GRAMD4: variants seen among roughly 807,000 people sequenced by gnomAD.
The protein encoded by GRAMD4 is GRAM domain containing 4.
In GRAMD4, 25 loss-of-function variants were observed where a neutral mutation model predicts 83.9. The ratio of observed to expected loss-of-function variants is 0.30; its 90% confidence interval spans 0.22 to 0.42. The LOEUF is 0.42. GRAMD4 is among the 10% of genes least tolerant of loss of function. The pLI, the probability that GRAMD4 is intolerant of heterozygous loss-of-function variation, is 1.00. For synonymous variants in GRAMD4, 336 were observed against 320.9 expected (o/e 1.05, Z -0.50); for missense variants, 593 against 788.7 (o/e 0.75, Z 2.97).
exon 1 of GRAMD4, chr22:46,577,175 C>A: frequency 1.7e-6 from 1 of 582,738 alleles, no homozygotes; most frequent in Non-Finnish European, 2.1e-6. Context: ...CCGCCTCCTC[C>A]CGGCTCCCCG....
chr22:46,622,776 G>T lies in GRAMD4; in HGVS notation c.-50+2211G>T, dbSNP rs2081594889. 6.6e-6 allele frequency among the ~76,000 whole-genome samples: 1 copy of T among 152,052 alleles called. No homozygotes were observed. The highest frequency in any genetic ancestry group is 6.6e-5 in the Admixed American group (1 of 15,264). Reference sequence around the variant, plus strand: ...AAAATACAAAAAATTAGCTGGTGTGGTGGCGGGTGCCTGTAGTCCCAGCTA... The same window carrying T: ...AAAATACAAAAAATTAGCTGGTGTGTTGGCGGGTGCCTGTAGTCCCAGCTA... On this transcript the variant is annotated intron_variant, in intron 1 of 18. Coordinates refer to ENST00000406902, the MANE Select transcript of GRAMD4 (RefSeq NM_015124.5). This position sits in a 1 kb window ranked among gnomAD's most constrained non-coding sequence, Gnocchi z 4.0.
In GRAMD4 at chr22:46,672,562, T is replaced by TG. The variant is rs1277010892; in HGVS notation, c.1085-274dup. Among the ~76,000 whole-genome samples, 8 of 85,624 alleles carry TG rather than the reference T, an allele frequency of 9.3e-5. No homozygotes were observed. Among genetic ancestry groups the TG allele is most frequent in the Admixed American group, 2.7e-4 (2 of 7,458 alleles). 56.2% of individuals were successfully genotyped at this position (85,624 alleles called of 152,430 possible). ...GGAGAGAGAAGTGAGGGGCATTGGATGGGGGGGTCCTAGCAGAGCTGAGGG... is the reference window on the plus strand; with the variant it reads ...GGAGAGAGAAGTGAGGGGCATTGGATGGGGGGGGTCCTAGCAGAGCTGAGGG... On this transcript the variant is annotated intron_variant, in intron 13 of 18. Coordinates refer to ENST00000406902, the MANE Select transcript of GRAMD4 (RefSeq NM_015124.5). The surrounding 1 kb of genome is among the most constrained non-coding windows in gnomAD (Gnocchi z 4.7).
At chr22:46,588,440 C>G (rs1228472605) in intron 1 of GRAMD4, among the ~76,000 whole-genome samples, 1 of 152,144 alleles carries the variant, frequency 6.6e-6, no homozygotes, top group Non-Finnish European at 1.5e-5. Flanking sequence ...GTTGGAGCAC[C>G]CTCCCCGGGC....
chr22:46,628,561 G>GT (rs373014816), intron 2 of GRAMD4, among the ~76,000 whole-genome samples: 15 of 77,670 alleles, frequency 1.9e-4, no homozygotes, highest in East Asian at 1.2e-3. Flanking sequence ...GAGTGTGTGC[G>GT]TGGTGTCTGA....
At position 46,659,304 on chromosome 22, in the gene GRAMD4, C is replaced by T. The variant is rs1009224691; in HGVS notation, c.404+997C>T. Among the ~76,000 whole-genome samples the T allele has an allele frequency of 6.6e-6, 1 of 152,000 alleles. No individual in the cohort carries two copies. The highest frequency in any genetic ancestry group is 1.5e-5 in the Non-Finnish European group (1 of 67,984). ...GCCTCCCCCCAGCATCATCTTCAGC[C>T]TCCGTCCTCAGACTCCACTCCCTCA... is the stretch of plus-strand genomic sequence containing the variant. On this transcript the variant is annotated intron_variant, in intron 4 of 18. Coordinates refer to ENST00000406902, the MANE Select transcript of GRAMD4 (RefSeq NM_015124.5). The surrounding 1 kb of genome is among the most constrained non-coding windows in gnomAD (Gnocchi z 4.1).
intron 2 of GRAMD4, among the ~76,000 whole-genome samples, chr22:46,629,661 C>T (rs527557912): frequency 6.6e-5 from 10 of 152,342 alleles, no homozygotes; most frequent in South Asian, 6.2e-4. Context: ...ATATTCCCAC[C>T]GGGTATACAG....
In GRAMD4 at chr22:46,679,093, A is replaced by T. The variant is rs1174723087; in HGVS notation, c.*1842A>T. On this transcript the variant is annotated 3_prime_UTR_variant, in exon 19 of 19. Coordinates refer to ENST00000406902, the MANE Select transcript of GRAMD4 (RefSeq NM_015124.5). The stretch of plus-strand genomic sequence containing the variant: ...GGCAACACAGGGTGGGCACTGACCC[A>T]CCCCCAGGGGCGGCTGCAGAGGCAG... The T allele has an allele frequency of 8.1e-6, 8 of 985,046 alleles. No homozygotes were observed. The highest frequency in any genetic ancestry group is 9.6e-6 in the Non-Finnish European group (8 of 829,918). 61.0% of individuals were successfully genotyped at this position (985,046 alleles called of 1,614,324 possible).
chr22:46,576,512 C>A (rs369858492), upstream of GRAMD4, among the ~76,000 whole-genome samples: 2 of 152,262 alleles, frequency 1.3e-5, no homozygotes, highest in East Asian at 3.9e-4. Flanking sequence ...AAAGGGTGGG[C>A]CCAGAGGTCC....
chr22:46,680,685 C>T (rs1434795507), downstream of GRAMD4, among the ~76,000 whole-genome samples: 66 of 27,228 alleles, frequency 2.4e-3, no homozygotes, highest in Non-Finnish European at 3.9e-3. Flanking sequence ...CATCCACCCA[C>T]CTATTCATCC....
chr22:46,584,624 C>T (rs574654909), intron 1 of GRAMD4, among the ~76,000 whole-genome samples: 5 of 152,256 alleles, frequency 3.3e-5, no homozygotes, highest in East Asian at 1.9e-4. Context: ...AAGCAGTTCC[C>T]GATCCCTTGG....
chr22:46,592,660 C>T (rs1320365683), intron 1 of GRAMD4, among the ~76,000 whole-genome samples: 3 of 152,164 alleles, frequency 2.0e-5, no homozygotes, highest in African/African-American at 7.2e-5. Context: ...TCCCGAGAGT[C>T]TTGGAATTCT....
intron 1 of GRAMD4, among the ~76,000 whole-genome samples, chr22:46,594,700 G>C (rs904287779): frequency 1.3e-5 from 2 of 152,028 alleles, no homozygotes; most frequent in African/African-American, 4.8e-5. Flanking sequence ...GGGCTAGGAG[G>C]GCCGGACTGG....
rs181322007 is a variant in GRAMD4, at chr22:46,671,039, T to G, written c.1085-1804T>G. On this transcript the variant is annotated intron_variant, in intron 13 of 18. Coordinates refer to ENST00000406902, the MANE Select transcript of GRAMD4 (RefSeq NM_015124.5). ...TTCCTGGCTTATCGGTGCCCATGTA[T>G]TCTTTTGCAGTGCTGACAAGGGACC... is the stretch of plus-strand genomic sequence containing the variant. 8 of 451,834 alleles carry G rather than the reference T, an allele frequency of 1.8e-5. No homozygotes were observed. The East Asian group carries it at 5.8e-4, about 33-fold the overall frequency. 28.0% of individuals were successfully genotyped at this position (451,834 alleles called of 1,614,324 possible).
At chr22:46,673,303 C>T (rs1027519438) in intron 14 of GRAMD4, among the ~76,000 whole-genome samples, 4 of 152,196 alleles carry the variant, frequency 2.6e-5, no homozygotes, top group East Asian at 1.9e-4. Context: ...GAGGCTCTGG[C>T]GCTGAGACCA....
At chr22:46,664,174 AC>A in intron 8 of GRAMD4, 57 bp downstream of exon 8, 1 of 1,259,244 alleles carries the variant, frequency 7.9e-7, no homozygotes, top group Non-Finnish European at 1.2e-6. Context: ...GCCAGCATTC[AC>A]CACATGATCA....
intron 3 of GRAMD4, among the ~76,000 whole-genome samples, chr22:46,655,393 A>T (rs1324263033): frequency 6.6e-6 from 1 of 151,992 alleles, no homozygotes; most frequent in African/African-American, 2.4e-5. Context: ...GCAGCCTTGG[A>T]CCTCAGCTTG....
intron 1 of GRAMD4, among the ~76,000 whole-genome samples, chr22:46,577,657 C>T (rs916314256): frequency 6.6e-6 from 1 of 152,058 alleles, no homozygotes; most frequent in Non-Finnish European, 1.5e-5. Flanking sequence ...CGGCCCGGGC[C>T]CGCCAATGTC....
At chr22:46,628,093 T>C (rs2081698444) in intron 2 of GRAMD4, among the ~76,000 whole-genome samples, 1 of 152,134 alleles carries the variant, frequency 6.6e-6, no homozygotes, top group Admixed American at 6.5e-5. Context: ...GATTCTCCGA[T>C]GGTGGTCTGT....
intron 1 of GRAMD4, among the ~76,000 whole-genome samples, chr22:46,607,323 A>G (rs2147076648): frequency 6.6e-6 from 1 of 152,300 alleles, no homozygotes; most frequent in African/African-American, 2.4e-5. Context: ...GTGCACATGT[A>G]CCCTAGAACT....
Sources: gnomAD v4.1 joint callset for allele counts (sites outside exome capture counted in the v4.1 genomes callset) on GRCh38, gnomAD v4.1.1 for gene constraint, Gnocchi (gnomAD v3.1) non-coding constraint, MANE v1.5 for transcripts, NCBI Gene and HGNC (gene_info 2026-07-23, HGNC 2026-07-21) for gene names.